Variants in CDS2 observed in about 807,000 individuals in gnomAD.
CDS2 encodes CDP-diacylglycerol synthase 2.
Under a neutral mutation model 59.0 loss-of-function variants are expected in CDS2, and 47 were observed. The observed-to-expected ratio is 0.80, with a 90% CI of 0.63 to 1.02. The LOEUF (loss-of-function observed/expected upper bound fraction) is 1.02, where lower values mean the gene tolerates loss of function less well. Among genes scored for constraint, CDS2 ranks in the 50% least tolerant of loss-of-function variants. The pLI is 0.00. For missense variants in CDS2, 356 were observed against 558.9 expected (o/e 0.64, Z 3.66); for synonymous variants, 207 against 206.4 (o/e 1.00, Z -0.02).
intron 11 of CDS2, 104 bp from the exon 12 acceptor site, chr20:5,189,631 C>T (rs2091097325): frequency 1.3e-6 from 1 of 765,138 alleles, no homozygotes; most frequent in Non-Finnish European, 2.2e-6. Context: ...TTCTATTGCC[C>T]TCAGCTACTC....
At chr20:5,142,273 C>A (rs6053151) in intron 1 of CDS2, among the ~76,000 whole-genome samples, 66 of 152,070 alleles carry the variant, frequency 4.3e-4, no homozygotes, top group African/African-American at 1.6e-3. Context: ...ATGGTGAAAC[C>A]CCATCTCTAC....
At chr20:5,173,760 C>T (rs878972708) in intron 2 of CDS2, 101 bp downstream of exon 2, 1 of 1,400,604 alleles carries the variant, frequency 7.1e-7, no homozygotes, top group South Asian at 1.2e-5. Flanking sequence ...CAGAGCAGGC[C>T]CGCTGTCTTG....
At chr20:5,133,627 A>G (rs1306011925) in intron 1 of CDS2, among the ~76,000 whole-genome samples, 1 of 152,150 alleles carries the variant, frequency 6.6e-6, no homozygotes, top group Non-Finnish European at 1.5e-5. Flanking sequence ...TCCTGGGTTC[A>G]AGCAATTCTC....
At chr20:5,176,792 C>A in intron 4 of CDS2, 47 bp downstream of exon 4, 2 of 1,340,432 alleles carry the variant, frequency 1.5e-6, no homozygotes, top group Non-Finnish European at 2.1e-6. Context: ...GGATGATGTG[C>A]TTTGTGGCAG....
At chr20:5,188,956 C>CACCT in intron 10 of CDS2, 111 bp from the exon 11 acceptor site, 1 of 1,375,888 alleles carries the variant, frequency 7.3e-7, no homozygotes, top group Non-Finnish European at 1.0e-6. Context: ...CACTAGGCAT[C>CACCT]ACCTCCCAGT....
intron 8 of CDS2, 80 bp downstream of exon 8, chr20:5,185,025 C>A: frequency 4.0e-6 from 4 of 1,007,376 alleles, no homozygotes; most frequent in Admixed American, 1.7e-5. Context: ...GCCTGGCAGA[C>A]AGAAGAAATC....
chr20:5,171,174 C>T (rs892145882), intron 1 of CDS2, among the ~76,000 whole-genome samples: 2 of 152,198 alleles, frequency 1.3e-5, no homozygotes, highest in Non-Finnish European at 2.9e-5. Context: ...GCTGGGCTAA[C>T]GGAAGGTCCA....
At position 5,190,175 on chromosome 20, in the gene CDS2, A is replaced by G. The variant is rs776120248; in HGVS notation, c.1279A>G (p.Thr427Ala). 1.2e-6 allele frequency: 2 copies of G among 1,613,868 alleles called. No homozygotes were observed. The highest frequency in any genetic ancestry group is 1.1e-5 in the South Asian group (1 of 91,048). Residue 427 changes from threonine (T) to alanine (A), a missense_variant, in exon 13 of 13, where the codon ACG becomes GCG. Coordinates refer to ENST00000460006, the MANE Select transcript of CDS2 (RefSeq NM_003818.4). ...RPDQQLHIFN[T>A]LRSHLIDKGM... ...AGATCAGCAGCTCCACATCTTCAAC[A>G]CGCTGCGGTCTCATCTGATCGACAA...
Position 5,166,285 on chromosome 20 carries a change from A to G in CDS2, c.58-7238A>G, listed in dbSNP as rs141701925. The stretch of plus-strand genomic sequence containing the variant: ...AGATCTACAAGCTGAGAAAGGAGCC[A>G]CTAAGGGTGATGGCCACCTTGTTCT... On this transcript the variant is annotated intron_variant, in intron 1 of 12. Coordinates refer to ENST00000460006, the MANE Select transcript of CDS2 (RefSeq NM_003818.4). Among the ~76,000 whole-genome samples the G allele has an allele frequency of 1.6e-4, 24 of 152,318 alleles. No individual in the cohort carries two copies. In the East Asian group the frequency reaches 4.4e-3, roughly 28 times the overall value.
chr20:5,140,505 G>C (rs1458208889), intron 1 of CDS2, among the ~76,000 whole-genome samples: 2 of 152,154 alleles, frequency 1.3e-5, no homozygotes, highest in African/African-American at 2.4e-5. Context: ...TGGACTCCTT[G>C]GTTTATAGCC....
chr20:5,190,258 AGGAACAGAACT>A lies in CDS2; in HGVS notation c.*26_*36del. 1 of 1,609,478 alleles carries A rather than the reference AGGAACAGAACT, an allele frequency of 6.2e-7. No homozygotes were observed. The highest frequency in any genetic ancestry group is 1.1e-5 in the South Asian group (1 of 90,372). On this transcript the variant is annotated 3_prime_UTR_variant, in exon 13 of 13. Coordinates refer to ENST00000460006, the MANE Select transcript of CDS2 (RefSeq NM_003818.4). ...AGGGGCCACCCAGGGCCAGGAGAAC[AGGAACAGAACT>A]GAGCAGGGGCAGGTCTCCAAGGCAA...
intron 1 of CDS2, 89 bp from the exon 2 acceptor site, chr20:5,173,434 C>A: frequency 6.8e-7 from 1 of 1,468,204 alleles, no homozygotes; most frequent in Non-Finnish European, 9.4e-7. Flanking sequence ...TGGAGTCTTT[C>A]CCCACAGATC....
At chr20:5,131,530 G>A (rs781101334) in intron 1 of CDS2, among the ~76,000 whole-genome samples, 7 of 152,236 alleles carry the variant, frequency 4.6e-5, no homozygotes, top group Non-Finnish European at 1.0e-4. Flanking sequence ...TCGGAAGTTA[G>A]CGTATAGGTT....
intron 1 of CDS2, among the ~76,000 whole-genome samples, chr20:5,129,683 C>T (rs1484379239): frequency 1.3e-5 from 2 of 152,010 alleles, no homozygotes; most frequent in African/African-American, 2.4e-5. Flanking sequence ...CTTAGGTGAT[C>T]CTCCCGCCTC....
At chr20:5,136,704 G>C (rs184003015) in intron 1 of CDS2, among the ~76,000 whole-genome samples, 2 of 152,102 alleles carry the variant, frequency 1.3e-5, no homozygotes, top group East Asian at 3.9e-4. Context: ...TAATTATTGG[G>C]GGGGTGGGGT....
intron 1 of CDS2, among the ~76,000 whole-genome samples, chr20:5,149,264 T>C (rs1478351370): frequency 6.6e-6 from 1 of 152,246 alleles, no homozygotes; most frequent in Non-Finnish European, 1.5e-5. Context: ...ATTAGTGAGG[T>C]TGAATATTTA....
Position 5,192,105 on chromosome 20 carries a change from C to T in CDS2, c.*1871C>T, listed in dbSNP as rs2295510. 0.47 allele frequency: 71,885 copies of T among 151,922 alleles called. 18,017 individuals carry two copies. The highest frequency in any genetic ancestry group is 0.64 in the African/African-American group (26,563 of 41,412). 9.4% of individuals were successfully genotyped at this position (151,922 alleles called of 1,614,324 possible). A position where few individuals can be genotyped will look rare whatever the true frequency, so the allele number is the denominator to read the frequency against. ...CCCGAACAGTAAAGGTGATCAATAA[C>T]GAAACTGTAGTTTTCAGATTGAAGA... On this transcript the variant is annotated 3_prime_UTR_variant, in exon 13 of 13. Coordinates refer to ENST00000460006, the MANE Select transcript of CDS2 (RefSeq NM_003818.4).
Position 5,192,705 on chromosome 20 carries a change from T to C in CDS2, c.*2471T>C, listed in dbSNP as rs892445271. 3.9e-5 allele frequency: 6 copies of C among 152,210 alleles called. No homozygotes were observed. Among genetic ancestry groups the C allele is most frequent in the African/African-American group, 1.2e-4 (5 of 41,452 alleles). The allele number at this position is 152,210 out of a possible 1,614,324, so 9.4% of individuals were successfully genotyped here. A position where few individuals can be genotyped will look rare whatever the true frequency, so the allele number is the denominator to read the frequency against. On this transcript the variant is annotated 3_prime_UTR_variant, in exon 13 of 13. Coordinates refer to ENST00000460006, the MANE Select transcript of CDS2 (RefSeq NM_003818.4). The stretch of plus-strand genomic sequence containing the variant: ...GTGAATTCCCTGTTTATCACTTCCA[T>C]GCATGGTTTTATGCTTCTCATTTGT...
chr20:5,193,857 A>G lies in CDS2; in HGVS notation c.*3623A>G, dbSNP rs1370431099. 7 of 152,194 alleles carry G rather than the reference A, an allele frequency of 4.6e-5. No homozygotes were observed. Among genetic ancestry groups the G allele is most frequent in the Non-Finnish European group, 1.0e-4 (7 of 68,054 alleles). 9.4% of individuals were successfully genotyped at this position (152,194 alleles called of 1,614,324 possible). ...GCTGAAGCCTTTTCCTGTTTTAGTA[A>G]TATCTTAGGCACTATTGTCTTTTGT... On this transcript the variant is annotated 3_prime_UTR_variant, in exon 13 of 13. Coordinates refer to ENST00000460006, the MANE Select transcript of CDS2 (RefSeq NM_003818.4).
Sources: allele counts gnomAD v4.1 joint callset (sites outside exome capture counted in the v4.1 genomes callset), GRCh38; gene constraint gnomAD v4.1.1; transcripts MANE v1.5; gene names NCBI Gene and HGNC (gene_info 2026-07-23, HGNC 2026-07-21).